The following COL25A1 variants were observed in gnomAD, a reference collection of about 807,000 sequenced individuals.
COL25A1 encodes the protein collagen alpha-1(XXV) chain.
A neutral mutation model predicts 128.4 loss-of-function variants in COL25A1; 103 were observed. The observed-to-expected ratio is 0.80, with a 90% CI of 0.68 to 0.94. COL25A1 has a LOEUF of 0.94. COL25A1 is among the 40% of genes least tolerant of loss of function. The pLI is 0.00. For synonymous variants in COL25A1, 279 were observed against 277.2 expected (o/e 1.01, Z -0.06); for missense variants, 745 against 840.0 (o/e 0.89, Z 1.40).
intron 5 of COL25A1, among the ~76,000 whole-genome samples, chr4:109,038,015 G>C (rs1459491618): frequency 3.3e-5 from 5 of 152,194 alleles, no homozygotes; most frequent in Admixed American, 2.0e-4. Flanking sequence ...AGAGAGAGGA[G>C]AAGAAAGCCA....
chr4:109,069,724 G>C (rs1307516213), intron 3 of COL25A1, among the ~76,000 whole-genome samples: 1 of 152,122 alleles, frequency 6.6e-6, no homozygotes, highest in Non-Finnish European at 1.5e-5. Flanking sequence ...CTCTGTAAAT[G>C]AAATCTTCAT....
At chr4:109,027,814 T>C (rs1049289476) in intron 5 of COL25A1, among the ~76,000 whole-genome samples, 2 of 152,068 alleles carry the variant, frequency 1.3e-5, no homozygotes, top group Non-Finnish European at 2.9e-5. Context: ...AGCTGCTCTT[T>C]AGTGATGTGT....
chr4:108,969,585 T>A (rs2125983298), intron 8 of COL25A1, among the ~76,000 whole-genome samples: 1 of 152,276 alleles, frequency 6.6e-6, no homozygotes, highest in Non-Finnish European at 1.5e-5. Flanking sequence ...TGGTGACCAC[T>A]TTGGAATCTC....
rs535311208 is a variant in COL25A1 at position 109,253,062 on chromosome 4, C to A, written c.367+47521G>T. On this transcript the variant is annotated intron_variant, in intron 3 of 37. Coordinates refer to ENST00000399132, the MANE Select transcript of COL25A1 (RefSeq NM_198721.4). The stretch of plus-strand genomic sequence containing the variant: ...CTACTGGAAATTGAGTCATTTAGCT[C>A]TTTAAATCTAATCAAATGAGAAAGC... Among the ~76,000 whole-genome samples the A allele has an allele frequency of 1.0e-3, 157 of 152,262 alleles. 1 individual carries two copies. The highest frequency in any genetic ancestry group is 3.4e-3 in the African/African-American group (141 of 41,550).
At chr4:108,832,048 C>T (rs916212720) in intron 32 of COL25A1, among the ~76,000 whole-genome samples, 3 of 151,978 alleles carry the variant, frequency 2.0e-5, no homozygotes, top group South Asian at 2.1e-4. Context: ...ATACATACTC[C>T]GGAAATTTTA....
intron 3 of COL25A1, among the ~76,000 whole-genome samples, chr4:109,112,199 CTG>C (rs1194947585): frequency 1.3e-5 from 2 of 152,004 alleles, no homozygotes; most frequent in African/African-American, 4.8e-5. Flanking sequence ...GGTTAATAAA[CTG>C]TTGTTATAGG....
chr4:108,939,939 C>T (rs936851292), intron 10 of COL25A1, among the ~76,000 whole-genome samples: 2 of 152,156 alleles, frequency 1.3e-5, no homozygotes, highest in East Asian at 3.8e-4. Flanking sequence ...ATAAGCCTTA[C>T]ATACAAAAGA....
chr4:109,088,342 CA>C (rs1176152351), intron 3 of COL25A1, among the ~76,000 whole-genome samples: 1 of 152,106 alleles, frequency 6.6e-6, no homozygotes, highest in Non-Finnish European at 1.5e-5. Context: ...CCACCTGTGG[CA>C]AAACTGAACT....
rs181099208 is a variant in COL25A1 at position 109,014,846 on chromosome 4, G to A, written c.421-4471C>T. Among the ~76,000 whole-genome samples the A allele has an allele frequency of 7.3e-4, 111 of 152,202 alleles. 3 individuals carry two copies. The highest frequency in any genetic ancestry group is 5.8e-3 in the Admixed American group (88 of 15,282). ...ACAAAGCATACAATGTAACAAATTCGGAAACTCTTATCTAAAACTTGGAAT... is the reference window on the plus strand; with the variant it reads ...ACAAAGCATACAATGTAACAAATTCAGAAACTCTTATCTAAAACTTGGAAT... On this transcript the variant is annotated intron_variant, in intron 5 of 37. Transcript: ENST00000399132.
rs201713906 is a variant in COL25A1 at position 108,962,185 on chromosome 4, C to CTTTTTTTTTTTT, written c.492+12181_492+12182insAAAAAAAAAAAA. Among the ~76,000 whole-genome samples the CTTTTTTTTTTTT allele has an allele frequency of 5.3e-5, 7 of 131,956 alleles. 2 individuals are homozygous for CTTTTTTTTTTTT. Among genetic ancestry groups the CTTTTTTTTTTTT allele is most frequent in the Non-Finnish European group, 6.8e-5 (4 of 59,158 alleles). 86.6% of individuals were successfully genotyped at this position (131,956 alleles called of 152,430 possible). The stretch of plus-strand genomic sequence containing the variant: ...CCACCACCATTTCTCTACCTCGATT[C>CTTTTTTTTTTTT]TTTTTTTTTCTTTTTTTTTTGAGAC... On this transcript the variant is annotated intron_variant, in intron 8 of 37. Transcript: ENST00000399132.
chr4:109,048,953 C>T (rs186023706), intron 4 of COL25A1, among the ~76,000 whole-genome samples: 35 of 152,112 alleles, frequency 2.3e-4, no homozygotes, highest in Admixed American at 5.2e-4. Flanking sequence ...AAACTTTGCA[C>T]TTTGTGAAGG....
At chr4:109,268,922 T>C (rs1781982625) in intron 3 of COL25A1, among the ~76,000 whole-genome samples, 1 of 152,040 alleles carries the variant, frequency 6.6e-6, no homozygotes, top group Non-Finnish European at 1.5e-5. Context: ...CCTATAAAGA[T>C]GCAAATTCTT....
chr4:109,246,081 A>G (rs188210203), intron 3 of COL25A1, among the ~76,000 whole-genome samples: 1 of 152,178 alleles, frequency 6.6e-6, no homozygotes, highest in African/African-American at 2.4e-5. Context: ...ATTAACAGCA[A>G]TAAGGGTACC....
intron 11 of COL25A1, among the ~76,000 whole-genome samples, chr4:108,922,815 A>G (rs1745625080): frequency 6.6e-6 from 1 of 152,184 alleles, no homozygotes; most frequent in Admixed American, 6.5e-5. Flanking sequence ...TTTAACATTA[A>G]TTTTGAATTG....
At chr4:109,210,657 T>A (rs918795228) in intron 3 of COL25A1, among the ~76,000 whole-genome samples, 4 of 152,130 alleles carry the variant, frequency 2.6e-5, no homozygotes, top group African/African-American at 4.8e-5. Flanking sequence ...AATGCCTATA[T>A]TTTCTTTAGG....
chr4:108,918,365 T>G (rs1745108482), intron 12 of COL25A1, 149 bp from the exon 13 acceptor site: 1 of 479,974 alleles, frequency 2.1e-6, no homozygotes, highest in Non-Finnish European at 3.7e-6. Context: ...AAATATATAA[T>G]GTAAGCAGAT....
chr4:109,259,151 T>A (rs951605009), intron 3 of COL25A1, among the ~76,000 whole-genome samples: 17 of 152,180 alleles, frequency 1.1e-4, no homozygotes, highest in African/African-American at 2.9e-4. Flanking sequence ...TACTGCACCT[T>A]ACATAAAGGA....
intron 3 of COL25A1, among the ~76,000 whole-genome samples, chr4:109,134,344 T>C (rs1364542826): frequency 6.6e-6 from 1 of 151,922 alleles, no homozygotes; most frequent in Non-Finnish European, 1.5e-5. Context: ...AAGGAGAAAA[T>C]TGATAAGGGC....
At chr4:109,274,796 C>T (rs549013863) in intron 3 of COL25A1, among the ~76,000 whole-genome samples, 42 of 152,082 alleles carry the variant, frequency 2.8e-4, no homozygotes, top group Non-Finnish European at 5.7e-4. Flanking sequence ...TAGCCTGGTA[C>T]GAAACATATG....
Sources: allele counts gnomAD v4.1 joint callset (sites outside exome capture counted in the v4.1 genomes callset), GRCh38; gene constraint gnomAD v4.1.1; transcripts MANE v1.5; gene names NCBI Gene and HGNC (gene_info 2026-07-23, HGNC 2026-07-21).